The following LRRK2 variants were observed in gnomAD, a reference collection of about 807,000 sequenced individuals.
LRRK2 encodes leucine rich repeat kinase 2.
A neutral mutation model predicts 302.6 loss-of-function variants in LRRK2; 203 were observed. The ratio of observed to expected loss-of-function variants is 0.67; its 90% CI spans 0.60 to 0.75. The LOEUF is 0.75. Among genes scored for constraint, LRRK2 ranks in the 30% least tolerant of loss-of-function variants. LRRK2 has a pLI of 0.00. For synonymous variants in LRRK2, 1,066 were observed against 1,031.9 expected (o/e 1.03, Z -0.63); for missense variants, 2,830 against 2,951.0 (o/e 0.96, Z 0.95).
intron 40 of LRRK2, among the ~76,000 whole-genome samples, chr12:40,339,411 G>A (rs756167622): frequency 3.5e-4 from 54 of 152,128 alleles, no homozygotes; most frequent in Non-Finnish European, 1.5e-4. Context: ...GCTGAGATGC[G>A]GTAAGCTCTT....
intron 14 of LRRK2, among the ~76,000 whole-genome samples, chr12:40,265,367 A>T (rs1942963679): frequency 6.6e-6 from 1 of 152,218 alleles, no homozygotes; most frequent in Non-Finnish European, 1.5e-5. Context: ...GAGATGCAGC[A>T]TCGAGTAATT....
chr12:40,247,119 A>G (rs1318409801), intron 7 of LRRK2, among the ~76,000 whole-genome samples: 1 of 152,152 alleles, frequency 6.6e-6, no homozygotes, highest in Non-Finnish European at 1.5e-5. Context: ...ATCATTTGAA[A>G]AAACTAATTG....
intron 13 of LRRK2, among the ~76,000 whole-genome samples, chr12:40,262,076 G>T (rs1238693544): frequency 6.6e-6 from 1 of 151,982 alleles, no homozygotes; most frequent in Non-Finnish European, 1.5e-5. Context: ...AGGCAAATTG[G>T]GAAGTATATA....
chr12:40,302,164 C>A (rs568318837), intron 25 of LRRK2, among the ~76,000 whole-genome samples: 3 of 151,610 alleles, frequency 2.0e-5, no homozygotes, highest in African/African-American at 7.3e-5. Flanking sequence ...GGCAACAGAG[C>A]GAGACTCTGT....
intron 40 of LRRK2, among the ~76,000 whole-genome samples, chr12:40,338,010 C>T (rs1945925305): frequency 6.6e-6 from 1 of 152,180 alleles, no homozygotes; most frequent in African/African-American, 2.4e-5. Context: ...GTTAGCTTCT[C>T]CAACTTGTGT....
chr12:40,307,781 C>CTTTTCT (rs1555187042), intron 28 of LRRK2, among the ~76,000 whole-genome samples: 12 of 119,380 alleles, frequency 1.0e-4, no homozygotes, highest in African/African-American at 2.6e-4. Flanking sequence ...CTTTTCTTTT[C>CTTTTCT]TTTTTTTTTT....
intron 33 of LRRK2, among the ~76,000 whole-genome samples, chr12:40,315,841 G>A (rs1352862382): frequency 1.2e-4 from 18 of 151,866 alleles, no homozygotes; most frequent in Admixed American, 1.2e-3. Context: ...TTACCAATGA[G>A]TTTAATTAGT....
At chr12:40,294,197 C>T (rs1191617262) in intron 21 of LRRK2, among the ~76,000 whole-genome samples, 1 of 151,502 alleles carries the variant, frequency 6.6e-6, no homozygotes, top group Non-Finnish European at 1.5e-5. Flanking sequence ...TATCAATCAT[C>T]TATCTATTTT....
intron 20 of LRRK2, among the ~76,000 whole-genome samples, chr12:40,289,334 A>G (rs73102733): frequency 0.011 from 1,596 of 151,756 alleles, 15 homozygotes; most frequent in Middle Eastern, 0.031. Context: ...TTGAAATCAG[A>G]TAGTGTAAGT....
chr12:40,248,819 G>T (rs1001611209), intron 7 of LRRK2, among the ~76,000 whole-genome samples: 2 of 152,152 alleles, frequency 1.3e-5, no homozygotes, highest in African/African-American at 4.8e-5. Context: ...AGAGACTGAT[G>T]GGGACAACCC....
chr12:40,305,290 T>C (rs997581937), intron 27 of LRRK2, among the ~76,000 whole-genome samples: 1 of 152,116 alleles, frequency 6.6e-6, no homozygotes, highest in Non-Finnish European at 1.5e-5. Context: ...ATAAATATAG[T>C]ATATATTGCT....
At chr12:40,317,420 A>T (rs1945259787) in intron 33 of LRRK2, among the ~76,000 whole-genome samples, 1 of 152,128 alleles carries the variant, frequency 6.6e-6, no homozygotes, top group Admixed American at 6.6e-5. Context: ...AGCAAAAATA[A>T]ATAGGAGTAT....
chr12:40,240,961 G>A (rs145299222), intron 6 of LRRK2, among the ~76,000 whole-genome samples: 43 of 152,300 alleles, frequency 2.8e-4, no homozygotes, highest in African/African-American at 1.0e-3. Context: ...AGGAAGTGAG[G>A]CAGTGTCTCT....
At chr12:40,225,462 C>T in intron 1 of LRRK2, 93 bp from the exon 2 acceptor site, 1 of 1,322,122 alleles carries the variant, frequency 7.6e-7, no homozygotes, top group Non-Finnish European at 1.1e-6. Flanking sequence ...AGGTCTTCAC[C>T]TTTTTGACTT....
chr12:40,343,344 T>A (rs947650436), intron 41 of LRRK2, among the ~76,000 whole-genome samples: 1 of 152,212 alleles, frequency 6.6e-6, no homozygotes, highest in African/African-American at 2.4e-5. Flanking sequence ...TTGACTGAGA[T>A]GAATGCTGAC....
At chr12:40,275,287 T>C (rs1943401696) in intron 16 of LRRK2, among the ~76,000 whole-genome samples, 1 of 152,206 alleles carries the variant, frequency 6.6e-6, no homozygotes, top group African/African-American at 2.4e-5. Context: ...GCTTAGATTT[T>C]AGATAAATAG....
At position 40,313,990 on chromosome 12, in the gene LRRK2, G is replaced by A; in HGVS notation, c.4555G>A (p.Val1519Ile). ...TTCATAGATCCGAGATCAGCTTGTT[G>A]TTGGACAGCTGATTCCAGACTGCTA... ...LNFKIRDQLV[V>I]GQLIPDCYVE... is the part of the protein sequence containing the mutation. Residue 1519 changes from valine (V) to isoleucine (I), a missense_variant, in exon 32 of 51, where the codon GTT becomes ATT. By Grantham distance (29) the Val-to-Ile change is conservative. Transcript: ENST00000298910. 6.2e-7 allele frequency: 1 copy of A among 1,611,298 alleles called. No individual in the cohort carries two copies. Among genetic ancestry groups the A allele is most frequent in the Non-Finnish European group, 8.5e-7 (1 of 1,178,498 alleles).
At chr12:40,260,424 G>T (rs1942717968) in intron 13 of LRRK2, among the ~76,000 whole-genome samples, 1 of 151,494 alleles carries the variant, frequency 6.6e-6, no homozygotes, top group South Asian at 2.1e-4. Context: ...GAGCTGGCCT[G>T]GTAGAAAGGC....
chr12:40,295,734 C>T, intron 23 of LRRK2, 90 bp downstream of exon 23: 8 of 1,269,428 alleles, frequency 6.3e-6, no homozygotes, highest in Non-Finnish European at 8.8e-6. Context: ...TTTAAAAGAA[C>T]ATTCTACTTT....
Sources: allele counts gnomAD v4.1 joint callset (sites outside exome capture counted in the v4.1 genomes callset), GRCh38; gene constraint gnomAD v4.1.1; transcripts MANE v1.5; gene names NCBI Gene and HGNC (gene_info 2026-07-23, HGNC 2026-07-21).